PHIP: variants seen among roughly 807,000 people sequenced by gnomAD.
The protein encoded by PHIP is PHIP subunit of CUL4-Ring ligase complex, also known as PH-interacting protein.
Under a neutral mutation model 236.8 loss-of-function variants are expected in PHIP, and 54 were observed. That is an observed-to-expected ratio of 0.23 (90% confidence interval 0.18 to 0.29). PHIP has a LOEUF of 0.29. PHIP is among the 10% of genes least tolerant of loss of function. The pLI, the probability that PHIP is intolerant of heterozygous loss-of-function variation, is 1.00. For synonymous variants in PHIP, 756 were observed against 718.9 expected (o/e 1.05, Z -0.83); for missense variants, 1,370 against 2,190.8 (o/e 0.63, Z 7.48).
chr6:79,018,821 G>C (rs956057777), intron 10 of PHIP, among the ~76,000 whole-genome samples: 1 of 151,866 alleles, frequency 6.6e-6, no homozygotes, highest in Non-Finnish European at 1.5e-5. Flanking sequence ...TAACAGGGTC[G>C]ATTTTGAAAC....
At chr6:79,027,573 T>C (rs1401705064) in intron 7 of PHIP, among the ~76,000 whole-genome samples, 3 of 152,198 alleles carry the variant, frequency 2.0e-5, no homozygotes, top group Non-Finnish European at 4.4e-5. Context: ...AAGAATGAGA[T>C]ATAAAGACAC....
rs951454145 is a variant in PHIP, at chr6:78,945,167, A to C, written c.4828+133T>G. The C allele has an allele frequency of 4.5e-6, 3 of 663,466 alleles. No individual in the cohort carries two copies. The African/African-American group carries it at 5.5e-5, about 12-fold the overall frequency. The allele number at this position is 663,466 out of a possible 1,614,324, so 41.1% of individuals were successfully genotyped here. On this transcript the variant is annotated intron_variant, in intron 39 of 39. Transcript: ENST00000275034. ...GGCACAATAATAGCTCATTGCAGTA[A>C]ATTTATCAACTAATACAGATGTGTG...
At chr6:78,952,086 G>C (rs898678681) in intron 35 of PHIP, among the ~76,000 whole-genome samples, 1 of 151,744 alleles carries the variant, frequency 6.6e-6, no homozygotes, top group Non-Finnish European at 1.5e-5. Flanking sequence ...TGTATATCCC[G>C]ATCAGGAATC....
At chr6:78,991,964 CTT>C (rs1250908263) in intron 19 of PHIP, among the ~76,000 whole-genome samples, 15 of 132,998 alleles carry the variant, frequency 1.1e-4, no homozygotes, top group South Asian at 2.4e-4. Flanking sequence ...CAAATAGTAA[CTT>C]TTTTTTTTTT....
intron 6 of PHIP, among the ~76,000 whole-genome samples, chr6:79,058,901 T>G (rs558066025): frequency 6.6e-6 from 1 of 152,230 alleles, no homozygotes; most frequent in African/African-American, 2.4e-5. Context: ...GGAAAACTCC[T>G]ATAATATTTT....
chr6:79,010,679 A>G (rs890877591), intron 15 of PHIP, among the ~76,000 whole-genome samples: 8 of 151,860 alleles, frequency 5.3e-5, no homozygotes, highest in African/African-American at 1.9e-4. Context: ...TAGAGAAAAG[A>G]AAGAGTAAGA....
At chr6:78,971,007 A>C (rs1251542316) in intron 24 of PHIP, 119 bp from the exon 25 acceptor site, 1 of 658,606 alleles carries the variant, frequency 1.5e-6, no homozygotes, top group East Asian at 3.0e-5. Flanking sequence ...AGAAATTCTA[A>C]TATTTTCTCC....
intron 15 of PHIP, among the ~76,000 whole-genome samples, chr6:79,009,191 T>G (rs1262038345): frequency 6.6e-6 from 1 of 152,140 alleles, no homozygotes; most frequent in Non-Finnish European, 1.5e-5. Context: ...TTTATGCCTA[T>G]GAGATCATTT....
At chr6:78,955,211 C>T in intron 34 of PHIP, 21 bp downstream of exon 34, 9 of 1,552,392 alleles carry the variant, frequency 5.8e-6, no homozygotes, top group Non-Finnish European at 7.1e-6. Context: ...AGTACTTCTG[C>T]TAAAACTAAA....
intron 23 of PHIP, among the ~76,000 whole-genome samples, chr6:78,980,890 T>C (rs1272155589): frequency 6.6e-6 from 1 of 152,044 alleles, no homozygotes; most frequent in Non-Finnish European, 1.5e-5. Context: ...AGGCAAGGAT[T>C]TCTCCCCATA....
intron 9 of PHIP, among the ~76,000 whole-genome samples, chr6:79,023,172 G>A (rs1456918392): frequency 2.6e-5 from 4 of 152,168 alleles, no homozygotes; most frequent in Non-Finnish European, 4.4e-5. Context: ...TTTAACTCCT[G>A]GGCTCAAGCA....
intron 7 of PHIP, among the ~76,000 whole-genome samples, chr6:79,027,335 G>A (rs941393199): frequency 1.3e-5 from 2 of 152,044 alleles, no homozygotes; most frequent in African/African-American, 4.8e-5. Flanking sequence ...TAAAATAAAT[G>A]GGTTACTAAC....
intron 27 of PHIP, 57 bp downstream of exon 27, chr6:78,969,778 C>T: frequency 7.7e-6 from 6 of 776,994 alleles, no homozygotes; most frequent in Non-Finnish European, 1.2e-5. Flanking sequence ...TAGTAAATCA[C>T]TTACTAAGAA....
At chr6:78,975,050 G>A (rs1767943529) in intron 24 of PHIP, among the ~76,000 whole-genome samples, 1 of 150,736 alleles carries the variant, frequency 6.6e-6, no homozygotes, top group Non-Finnish European at 1.5e-5. Context: ...TGATACCAAA[G>A]CTGGGCAGAG....
intron 39 of PHIP, 150 bp from the exon 40 acceptor site, chr6:78,941,480 C>T: frequency 1.8e-6 from 1 of 547,284 alleles, no homozygotes; most frequent in Non-Finnish European, 3.2e-6. Flanking sequence ...CTAGAAAACA[C>T]TAATAGTTCA....
At chr6:79,054,373 A>G (rs1388846812) in intron 6 of PHIP, among the ~76,000 whole-genome samples, 1 of 149,846 alleles carries the variant, frequency 6.7e-6, no homozygotes, top group East Asian at 1.9e-4. Flanking sequence ...TAAAACCTTT[A>G]TAAGACTAAA....
chr6:78,988,450 T>G (rs1263006248), intron 20 of PHIP, 101 bp from the exon 21 acceptor site: 1 of 789,404 alleles, frequency 1.3e-6, no homozygotes, highest in Non-Finnish European at 1.9e-6. Flanking sequence ...AAGCTGGGCA[T>G]GGTGGCGCAT....
rs779355073 is a variant in PHIP, at chr6:78,965,747, G to GT, written c.3334dup (p.Thr1112AsnfsTer14). On this transcript the variant is annotated frameshift_variant, in exon 29 of 40. Coordinates refer to ENST00000275034, the MANE Select transcript of PHIP (RefSeq NM_017934.7). LOFTEE classifies it high-confidence loss of function. ...CATATCCCAAGGACTCATCTTTTCT[G>GT]TATCTCCATTGTCCCAGCTTAAAGA... is the stretch of plus-strand genomic sequence containing the variant. 6.4e-7 allele frequency: 1 copy of GT among 1,560,134 alleles called. No homozygotes were observed. The highest frequency in any genetic ancestry group is 8.8e-7 in the Non-Finnish European group (1 of 1,134,222).
intron 24 of PHIP, among the ~76,000 whole-genome samples, chr6:78,974,647 AAAAG>A (rs1562142055): frequency 6.6e-6 from 1 of 152,138 alleles, no homozygotes; most frequent in Non-Finnish European, 1.5e-5. Context: ...ATAAAAGAAA[AAAAG>A]AAGAATCAAA....
Sources: allele counts gnomAD v4.1 joint callset (sites outside exome capture counted in the v4.1 genomes callset), GRCh38; gene constraint gnomAD v4.1.1; transcripts MANE v1.5; gene names NCBI Gene and HGNC (gene_info 2026-07-23, HGNC 2026-07-21).